RHOU: variants seen among roughly 807,000 people sequenced by gnomAD.
RHOU encodes the protein ras homolog family member U, also known as rho-related GTP-binding protein RhoU.
Under a neutral mutation model 12.6 loss-of-function variants are expected in RHOU, and 8 were observed. The observed-to-expected ratio is 0.64, with a 90% CI of 0.37 to 1.15. The LOEUF (loss-of-function observed/expected upper bound fraction) is 1.15, where lower values mean the gene tolerates loss of function less well. Among genes scored for constraint, RHOU ranks in the 50% most tolerant of loss-of-function variants. RHOU has a pLI of 0.01. For missense variants in RHOU, 258 were observed against 347.0 expected, an observed-to-expected ratio of 0.74 and a Z score of 2.04; for synonymous variants, 161 against 147.4, an observed-to-expected ratio of 1.09 and a Z score of -0.67.
chr1:228,703,996 A>G, the RHOU span, among the ~76,000 whole-genome samples: 2 of 152,180 alleles, frequency 1.3e-5, no homozygotes, highest in African/African-American at 4.8e-5. Context: ...GGAAAGATAG[A>G]ACTCCAAGTC....
chr1:228,684,958 T>C, the RHOU span, among the ~76,000 whole-genome samples: 2 of 152,232 alleles, frequency 1.3e-5, no homozygotes, highest in Admixed American at 6.5e-5. Context: ...GGCTACTCCA[T>C]AGACAGAGCA....
the RHOU span, among the ~76,000 whole-genome samples, chr1:228,691,098 TA>T: frequency 6.7e-6 from 1 of 148,458 alleles, no homozygotes; most frequent in Non-Finnish European, 1.5e-5. Flanking sequence ...TTTTTTTTTT[TA>T]AATAGACTTT....
At chr1:228,713,490 A>AT in the RHOU span, among the ~76,000 whole-genome samples, 12 of 152,066 alleles carry the variant, frequency 7.9e-5, no homozygotes, top group South Asian at 2.5e-3. Flanking sequence ...CACTCGGCTA[A>AT]TTTTTTTATT....
At chr1:228,730,713 AG>A (rs1662477893), upstream of RHOU, among the ~76,000 whole-genome samples, 1 of 152,250 alleles carries the variant, frequency 6.6e-6, no homozygotes, top group African/African-American at 2.4e-5. Context: ...GCTGAAGGAA[AG>A]AAATCAGATT....
the RHOU span, chr1:228,652,648 C>T: frequency 4.6e-5 from 7 of 152,186 alleles, no homozygotes; most frequent in East Asian, 9.6e-4. Flanking sequence ...TTATCAACTA[C>T]GAAGTGCTTG....
At chr1:228,684,750 G>A in the RHOU span, among the ~76,000 whole-genome samples, 1 of 152,194 alleles carries the variant, frequency 6.6e-6, no homozygotes, top group South Asian at 2.1e-4. Context: ...AGTTGTGAGG[G>A]TGAGGGAGAA....
intron 1 of RHOU, among the ~76,000 whole-genome samples, chr1:228,736,833 T>A (rs1571888501): frequency 6.6e-6 from 1 of 151,710 alleles, no homozygotes; most frequent in African/African-American, 2.4e-5. Flanking sequence ...CTTGCTTCTT[T>A]AAAAAAAAAT....
chr1:228,675,449 T>C, the RHOU span, among the ~76,000 whole-genome samples: 1 of 152,228 alleles, frequency 6.6e-6, no homozygotes, highest in Non-Finnish European at 1.5e-5. Flanking sequence ...GGGATTTTGT[T>C]TGAGATTGCA....
chr1:228,707,713 C>G, the RHOU span, among the ~76,000 whole-genome samples: 1 of 152,086 alleles, frequency 6.6e-6, no homozygotes, highest in African/African-American at 2.4e-5. Flanking sequence ...GGAGAAAAAC[C>G]AGAGCAGAAA....
At chr1:228,652,857 TC>T in the RHOU span, among the ~76,000 whole-genome samples, 2 of 152,234 alleles carry the variant, frequency 1.3e-5, no homozygotes, top group African/African-American at 4.8e-5. Context: ...GCTTATGCTA[TC>T]TAAAGTTTTC....
the RHOU span, among the ~76,000 whole-genome samples, chr1:228,708,554 A>C: frequency 6.6e-6 from 1 of 151,724 alleles, no homozygotes; most frequent in Non-Finnish European, 1.5e-5. Flanking sequence ...TATCCAGCCA[A>C]ACTAAACTTC....
chr1:228,704,252 A>G, the RHOU span, among the ~76,000 whole-genome samples: 1 of 152,162 alleles, frequency 6.6e-6, no homozygotes, highest in East Asian at 1.9e-4. Context: ...GTCTCCCTAA[A>G]ATGTATAAAA....
chr1:228,670,049 G>A, the RHOU span, among the ~76,000 whole-genome samples: 1 of 152,162 alleles, frequency 6.6e-6, no homozygotes, highest in East Asian at 1.9e-4. Flanking sequence ...CTTGGCAATG[G>A]GATAAATAAA....
the RHOU span, among the ~76,000 whole-genome samples, chr1:228,707,192 T>TAC: frequency 5.2e-5 from 4 of 76,878 alleles, no homozygotes; most frequent in African/African-American, 9.3e-5. Context: ...AATATATATA[T>TAC]ATACATATAT....
chr1:228,684,254 C>T, the RHOU span, among the ~76,000 whole-genome samples: 30 of 152,130 alleles, frequency 2.0e-4, no homozygotes, highest in East Asian at 4.3e-3. Context: ...CCAGGCTGGT[C>T]TTGAACTGCT....
At chr1:228,659,523 A>C in the RHOU span, among the ~76,000 whole-genome samples, 1 of 151,814 alleles carries the variant, frequency 6.6e-6, no homozygotes, top group Non-Finnish European at 1.5e-5. Context: ...GAAATAAATA[A>C]AACAGAGCAT....
chr1:228,691,707 T>A, the RHOU span, among the ~76,000 whole-genome samples: 2 of 152,224 alleles, frequency 1.3e-5, no homozygotes, highest in Non-Finnish European at 2.9e-5. Flanking sequence ...TCTATGAATA[T>A]CTATGTACAG....
the RHOU span, among the ~76,000 whole-genome samples, chr1:228,699,856 T>C: frequency 1.9e-4 from 29 of 152,180 alleles, no homozygotes; most frequent in Admixed American, 5.2e-4. Context: ...AAAACAGGCA[T>C]TGAAAATGAC....
At position 228,738,528 on chromosome 1, in the gene RHOU, G is replaced by C. The variant is rs770215132; in HGVS notation, c.321+797G>C. ...TCTAGAGTTCAGCAAAGTTCCGGGG[G>C]TACTTTGTAGGCAGGTGAAAGTGCC... On this transcript the variant is annotated intron_variant, in intron 2 of 2. Transcript: ENST00000366691. The surrounding 1 kb of genome is among the most constrained non-coding windows in gnomAD (Gnocchi z 4.2). Among the ~76,000 whole-genome samples, 1 of 152,144 alleles carries C rather than the reference G, an allele frequency of 6.6e-6. No homozygotes were observed. Among genetic ancestry groups the C allele is most frequent in the African/African-American group, 2.4e-5 (1 of 41,436 alleles).
Sources: gnomAD v4.1 joint callset for allele counts (sites outside exome capture counted in the v4.1 genomes callset) on GRCh38, gnomAD v4.1.1 for gene constraint, Gnocchi (gnomAD v3.1) non-coding constraint, MANE v1.5 for transcripts, NCBI Gene and HGNC (gene_info 2026-07-23, HGNC 2026-07-21) for gene names.